Variants in DNAJC1 observed in about 807,000 individuals in gnomAD.
DNAJC1 encodes DnaJ heat shock protein family (Hsp40) member C1, also known as dnaJ homolog subfamily C member 1.
Under a neutral mutation model 76.6 loss-of-function variants are expected in DNAJC1, and 58 were observed. That is an observed-to-expected ratio of 0.76 (90% CI 0.61 to 0.94). The LOEUF is 0.94. DNAJC1 is among the 40% of genes least tolerant of loss of function. The pLI is 0.00. For missense variants in DNAJC1, 689 were observed against 677.3 expected (o/e 1.02, Z -0.19); for synonymous variants, 258 against 267.9 (o/e 0.96, Z 0.36).
chr10:21,880,858 A>G (rs1836263712), intron 8 of DNAJC1, among the ~76,000 whole-genome samples: 1 of 152,226 alleles, frequency 6.6e-6, no homozygotes. Flanking sequence ...CTTTGAAGCC[A>G]GGCATCAACT....
chr10:21,862,133 G>T (rs904938117), intron 8 of DNAJC1, among the ~76,000 whole-genome samples: 1 of 151,952 alleles, frequency 6.6e-6, no homozygotes, highest in Non-Finnish European at 1.5e-5. Flanking sequence ...GTTTAGGCTG[G>T]TCTCGAACTC....
At chr10:21,773,114 G>A (rs1834408912) in intron 9 of DNAJC1, among the ~76,000 whole-genome samples, 1 of 152,128 alleles carries the variant, frequency 6.6e-6, no homozygotes, top group South Asian at 2.1e-4. Context: ...TATAGAATTG[G>A]TGGAGACACA....
In DNAJC1 at chr10:21,868,706, G is replaced by A. The variant is rs1032510209; in HGVS notation, c.978+13576C>T. 2.6e-5 allele frequency among the ~76,000 whole-genome samples: 4 copies of A among 151,960 alleles called. 1 individual carries two copies. Among genetic ancestry groups the A allele is most frequent in the African/African-American group, 9.7e-5 (4 of 41,296 alleles). On this transcript the variant is annotated intron_variant, in intron 8 of 11. Transcript: ENST00000376980. ...AGGAGGGTGAGTAGGGGATAGGTAT[G>A]TAAACCAAAACTAAAATTTGAAGCT...
At chr10:21,796,621 T>C (rs1374227706) in intron 9 of DNAJC1, among the ~76,000 whole-genome samples, 2 of 152,208 alleles carry the variant, frequency 1.3e-5, no homozygotes, top group Non-Finnish European at 2.9e-5. Flanking sequence ...TTGTTTTGTT[T>C]TTGTTTTTTT....
At position 21,909,027 on chromosome 10, in the gene DNAJC1, C is replaced by T. The variant is rs187077606; in HGVS notation, c.730-4415G>A. ...TCAGCCTCCCAAGTAGCTGGGATAA[C>T]AGGTGCCCACCACCACGTCTGGCTA... On this transcript the variant is annotated intron_variant, in intron 6 of 11. Transcript: ENST00000376980. Among the ~76,000 whole-genome samples, 331 of 152,270 alleles carry T rather than the reference C, an allele frequency of 2.2e-3. 3 individuals carry two copies. Among genetic ancestry groups the T allele is most frequent in the African/African-American group, 7.6e-3 (314 of 41,554 alleles).
chr10:21,951,013 A>AC (rs1349461387), intron 1 of DNAJC1, among the ~76,000 whole-genome samples: 2 of 152,228 alleles, frequency 1.3e-5, no homozygotes, highest in East Asian at 3.8e-4. Context: ...TTTAATTCAG[A>AC]CTTGGCATTG....
At chr10:21,806,703 C>CTT (rs879570572) in intron 8 of DNAJC1, among the ~76,000 whole-genome samples, 2 of 145,498 alleles carry the variant, frequency 1.4e-5, no homozygotes, top group Non-Finnish European at 3.0e-5. Context: ...AAATGTCACT[C>CTT]TTTTTTTTTT....
rs1031002043 is a variant in DNAJC1 at position 21,864,710 on chromosome 10, T to C, written c.978+17572A>G. On this transcript the variant is annotated intron_variant, in intron 8 of 11. Transcript: ENST00000376980. ...GAGTTTGGCAAAGATTTCCTAATTA[T>C]GACATATAAAAAGAAGTATAAAAGA... 3.9e-5 allele frequency among the ~76,000 whole-genome samples: 6 copies of C among 151,934 alleles called. 1 individual carries two copies. Among genetic ancestry groups the C allele is most frequent in the African/African-American group, 9.7e-5 (4 of 41,292 alleles).
chr10:21,844,857 C>A (rs944352931), intron 8 of DNAJC1, among the ~76,000 whole-genome samples: 5 of 152,104 alleles, frequency 3.3e-5, no homozygotes, highest in African/African-American at 1.2e-4. Context: ...ACATAAGAGA[C>A]CCTGTCTCTG....
At chr10:21,829,921 G>C (rs897710285) in intron 8 of DNAJC1, among the ~76,000 whole-genome samples, 14 of 151,942 alleles carry the variant, frequency 9.2e-5, no homozygotes, top group African/African-American at 3.4e-4. Context: ...CTCTCAATTG[G>C]CTTGGAAGTT....
chr10:21,893,522 G>A (rs1198662257), intron 7 of DNAJC1, among the ~76,000 whole-genome samples: 10 of 151,966 alleles, frequency 6.6e-5, no homozygotes, highest in Admixed American at 6.6e-4. Flanking sequence ...AGCTACTCAG[G>A]AGGCTGAGGT....
intron 9 of DNAJC1, among the ~76,000 whole-genome samples, chr10:21,795,753 C>G (rs1403054018): frequency 6.6e-6 from 1 of 152,118 alleles, no homozygotes; most frequent in African/African-American, 2.4e-5. Context: ...ATCCATATTA[C>G]CAAAACTTTA....
At chr10:21,977,394 T>C (rs1388714960) in intron 1 of DNAJC1, among the ~76,000 whole-genome samples, 1 of 152,126 alleles carries the variant, frequency 6.6e-6, no homozygotes, top group South Asian at 2.1e-4. Context: ...CTTCAAGAAT[T>C]TACTCCTTAT....
At chr10:21,929,926 T>C (rs1837193992) in intron 1 of DNAJC1, among the ~76,000 whole-genome samples, 1 of 152,242 alleles carries the variant, frequency 6.6e-6, no homozygotes, top group African/African-American at 2.4e-5. Context: ...ACATCATTTT[T>C]ACATGGCCAG....
chr10:21,992,266 G>A (rs568988019), intron 1 of DNAJC1, among the ~76,000 whole-genome samples: 446 of 152,322 alleles, frequency 2.9e-3, no homozygotes, highest in South Asian at 5.4e-3. Flanking sequence ...ATCTGAGATC[G>A]TGCCATCGCA....
At chr10:21,810,373 A>T (rs903011250) in intron 8 of DNAJC1, among the ~76,000 whole-genome samples, 3 of 152,208 alleles carry the variant, frequency 2.0e-5, no homozygotes, top group African/African-American at 7.2e-5. Context: ...TCCTAAATTT[A>T]AACAAGGGTC....
At chr10:21,827,070 C>T (rs1835270647) in intron 8 of DNAJC1, among the ~76,000 whole-genome samples, 1 of 151,992 alleles carries the variant, frequency 6.6e-6, no homozygotes, top group Non-Finnish European at 1.5e-5. Flanking sequence ...TTAAGTCTTC[C>T]AATCCATGAA....
intron 1 of DNAJC1, among the ~76,000 whole-genome samples, chr10:21,937,080 T>C (rs1402069830): frequency 6.6e-6 from 1 of 152,076 alleles, no homozygotes; most frequent in Admixed American, 6.5e-5. Flanking sequence ...TTAAGTAAAA[T>C]GACATATAAT....
At chr10:21,834,169 C>T (rs1040240087) in intron 8 of DNAJC1, among the ~76,000 whole-genome samples, 2 of 152,090 alleles carry the variant, frequency 1.3e-5, no homozygotes, top group African/African-American at 4.8e-5. Context: ...GAGGCTGAGG[C>T]AGGACAATGG....
Sources: allele counts gnomAD v4.1 joint callset (sites outside exome capture counted in the v4.1 genomes callset), GRCh38; gene constraint gnomAD v4.1.1; transcripts MANE v1.5; gene names NCBI Gene and HGNC (gene_info 2026-07-23, HGNC 2026-07-21).